CFAP74: variants seen among roughly 807,000 people sequenced by gnomAD.
CFAP74 encodes the protein cilia- and flagella-associated protein 74.
In CFAP74, 124 loss-of-function variants were observed where a neutral mutation model predicts 188.9. That is an observed-to-expected ratio of 0.66 (90% CI 0.57 to 0.76). The LOEUF is 0.76. Ranked by LOEUF, CFAP74 falls within the 30% of genes least tolerant of loss-of-function variation. The probability of loss-of-function intolerance (pLI) is 0.00; values close to 1 mark genes in which losing one functional copy is unlikely to be tolerated. For synonymous variants in CFAP74, 956 were observed against 916.7 expected, an observed-to-expected ratio of 1.04 and a Z score of -0.77; for missense variants, 2,198 against 2,165.2, an observed-to-expected ratio of 1.02 and a Z score of -0.30.
At chr1:1,969,981 G>A (rs533958714) in intron 10 of CFAP74, among the ~76,000 whole-genome samples, 3 of 152,376 alleles carry the variant, frequency 2.0e-5, no homozygotes, top group East Asian at 1.9e-4. Context: ...ACTGGGGAGC[G>A]TTACGGGCAG....
In CFAP74 at chr1:1,973,424, C is replaced by T. The variant is rs1271069804; in HGVS notation, c.675-377G>A. On this transcript the variant is annotated intron_variant, in intron 7 of 38. Coordinates refer to ENST00000682832, the MANE Select transcript of CFAP74 (RefSeq NM_001304360.2). The surrounding 1 kb of genome is among the most constrained non-coding windows in gnomAD (Gnocchi z 6.2). ...ATTCCACAGGGGTTTGTGGCCTGGG[C>T]AGCTGAAGGGAAGGAATGAGATGGG... is the stretch of plus-strand genomic sequence containing the variant. Among the ~76,000 whole-genome samples the T allele has an allele frequency of 4.6e-5, 7 of 151,868 alleles. No homozygotes were observed. Among genetic ancestry groups the T allele is most frequent in the Non-Finnish European group, 1.0e-4 (7 of 67,968 alleles).
chr1:1,954,417 G>A (rs1468413625), intron 18 of CFAP74: 2 of 152,294 alleles, frequency 1.3e-5, no homozygotes, highest in East Asian at 3.8e-4. Flanking sequence ...AGATGTGGCA[G>A]TGACAGCCAC....
chr1:1,966,622 T>C, intron 11 of CFAP74, 96 bp from the exon 12 acceptor site: 2 of 1,203,776 alleles, frequency 1.7e-6, no homozygotes, highest in Non-Finnish European at 1.1e-6. Context: ...GCCCGCTGCC[T>C]GCCCCCGTTC....
chr1:1,958,517 A>G (rs1185651688), intron 16 of CFAP74, among the ~76,000 whole-genome samples: 1 of 152,194 alleles, frequency 6.6e-6, no homozygotes. Flanking sequence ...GTGCGAGCTG[A>G]CCAATTACTC....
intron 16 of CFAP74, among the ~76,000 whole-genome samples, chr1:1,958,577 T>C: frequency 6.6e-6 from 1 of 152,226 alleles, no homozygotes; most frequent in East Asian, 1.9e-4. Context: ...TTACTGGAGA[T>C]GCATGCTGAA....
At chr1:1,940,531 A>T in intron 22 of CFAP74, 128 bp from the exon 23 acceptor site, 1 of 673,376 alleles carries the variant, frequency 1.5e-6, no homozygotes, top group Non-Finnish European at 2.4e-6. Context: ...CAGCGCTGGG[A>T]GACGCATCGC....
chr1:1,957,203 C>T (rs572019986), intron 16 of CFAP74, among the ~76,000 whole-genome samples: 35 of 152,326 alleles, frequency 2.3e-4, no homozygotes, highest in Admixed American at 3.9e-4. Context: ...GGGGGTGCCT[C>T]ACCATGCCCG....
intron 8 of CFAP74, among the ~76,000 whole-genome samples, chr1:1,972,702 C>T (rs1188209933): frequency 1.3e-5 from 2 of 152,222 alleles, no homozygotes; most frequent in East Asian, 1.9e-4. Context: ...AAAAATTAGC[C>T]GGGCATGGTG....
chr1:1,981,761 ACG>A, intron 6 of CFAP74, among the ~76,000 whole-genome samples: 1 of 136,224 alleles, frequency 7.3e-6, no homozygotes. Flanking sequence ...CCGCGGTCAC[ACG>A]CGGGGGCACG....
intron 18 of CFAP74, chr1:1,954,785 A>C: frequency 9.1e-7 from 1 of 1,104,898 alleles, no homozygotes; most frequent in Non-Finnish European, 1.1e-6. Flanking sequence ...TCTCAACATA[A>C]AAAGAACTCA....
chr1:1,972,461 G>A (rs762243194), intron 8 of CFAP74, among the ~76,000 whole-genome samples: 1 of 152,260 alleles, frequency 6.6e-6, no homozygotes, highest in Non-Finnish European at 1.5e-5. Context: ...CACGCCCAGC[G>A]CATCTCAAGG....
At position 1,985,264 on chromosome 1, in the gene CFAP74, T is replaced by C. The variant is rs1249284818; in HGVS notation, c.500+122A>G. 10 of 760,800 alleles carry C rather than the reference T, an allele frequency of 1.3e-5. 1 individual carries two copies. The highest frequency in any genetic ancestry group is 9.6e-5 in the South Asian group (6 of 62,734). The allele number at this position is 760,800 out of a possible 1,614,324, so 47.1% of individuals were successfully genotyped here. ...TGCATTCACCGAGTCCCCTTTCCAC[T>C]TCCCCGCAGTTTGCCGGTCAGGTGC... On this transcript the variant is annotated intron_variant, in intron 6 of 38. Coordinates refer to ENST00000682832, the MANE Select transcript of CFAP74 (RefSeq NM_001304360.2).
Position 1,968,103 on chromosome 1 carries a change from A to ATGAG in CFAP74, c.1245+528_1245+531dup, listed in dbSNP as rs145702083. Among the ~76,000 whole-genome samples, 32,887 of 151,748 alleles carry ATGAG rather than the reference A, an allele frequency of 0.22. 3,733 individuals are homozygous for ATGAG. Among genetic ancestry groups the ATGAG allele is most frequent in the East Asian group, 0.26 (1,322 of 5,132 alleles). On this transcript the variant is annotated intron_variant, in intron 11 of 38. Transcript: ENST00000682832. This position sits in a 1 kb window ranked among gnomAD's most constrained non-coding sequence, Gnocchi z 4.3. ...GAGTAAAGAGTGAATGAGTGAATGA[A>ATGAG]TGAGTGAATGAATGAAGAATGAGTG... is the stretch of plus-strand genomic sequence containing the variant.
chr1:1,936,562 G>GA (rs921956192), intron 25 of CFAP74, among the ~76,000 whole-genome samples: 16 of 150,722 alleles, frequency 1.1e-4, no homozygotes, highest in South Asian at 2.1e-4. Flanking sequence ...AACAAAAAAA[G>GA]AAAAAAAAGA....
At chr1:1,957,476 C>G (rs997427730) in intron 16 of CFAP74, among the ~76,000 whole-genome samples, 15 of 152,206 alleles carry the variant, frequency 9.9e-5, no homozygotes, top group African/African-American at 3.1e-4. Flanking sequence ...GTCCTGTTCT[C>G]CCCTTGTTCA....
intron 22 of CFAP74, 100 bp downstream of exon 22, chr1:1,941,928 G>T: frequency 8.1e-7 from 1 of 1,229,014 alleles, no homozygotes; most frequent in Non-Finnish European, 1.1e-6. Context: ...TGATGATCCC[G>T]GCAGCAATGA....
At chr1:1,941,281 G>C (rs1441911663) in intron 22 of CFAP74, among the ~76,000 whole-genome samples, 1 of 152,132 alleles carries the variant, frequency 6.6e-6, no homozygotes, top group Non-Finnish European at 1.5e-5. Context: ...TGCCTGCTGC[G>C]CCCACCTCCC....
In CFAP74 at chr1:1,922,633, T is replaced by TCTGGCCGCGCTCCACGGAGCCC; in HGVS notation, c.4752_4773dup (p.Thr1592GlyfsTer22). ...ACCCAGGAGATGCTGATGGTCTTCG[T>TCTGGCCGCGCTCCACGGAGCCC]CTGGCCGCGCTCCACGGAGCCCCTG... On this transcript the variant is annotated frameshift_variant, in exon 38 of 39. Transcript: ENST00000682832. LOFTEE classifies it high-confidence loss of function. The TCTGGCCGCGCTCCACGGAGCCC allele has an allele frequency of 6.2e-7, 1 of 1,605,374 alleles. No homozygotes were observed. Among genetic ancestry groups the TCTGGCCGCGCTCCACGGAGCCC allele is most frequent in the Non-Finnish European group, 8.5e-7 (1 of 1,175,654 alleles).
At chr1:1,930,441 A>C (rs759923887) in intron 25 of CFAP74, 105 bp from the exon 26 acceptor site, 1,062 of 1,164,108 alleles carry the variant, frequency 9.1e-4, no homozygotes, top group Non-Finnish European at 1.2e-3. Flanking sequence ...GGGGGGGCTC[A>C]CAGGGACATG....
Sources: allele counts gnomAD v4.1 joint callset (sites outside exome capture counted in the v4.1 genomes callset), GRCh38; gene constraint gnomAD v4.1.1; non-coding constraint Gnocchi (gnomAD v3.1); transcripts MANE v1.5; gene names NCBI Gene and HGNC (gene_info 2026-07-23, HGNC 2026-07-21).